Variants in TMEM106C observed in about 807,000 individuals in gnomAD.
TMEM106C encodes endoplasmic reticulum membrane protein overexpressed in cancer.
In TMEM106C, 27 loss-of-function variants were observed where a neutral mutation model predicts 30.8. The ratio of observed to expected loss-of-function variants is 0.88; its 90% CI spans 0.65 to 1.21. The LOEUF (loss-of-function observed/expected upper bound fraction) is 1.21, where lower values mean the gene tolerates loss of function less well. Among genes scored for constraint, TMEM106C ranks in the 50% most tolerant of loss-of-function variants. The probability of loss-of-function intolerance (pLI) is 0.00; values close to 1 mark genes in which losing one functional copy is unlikely to be tolerated. For synonymous variants in TMEM106C, 123 were observed against 118.8 expected (o/e 1.04, Z -0.23); for missense variants, 288 against 307.8 (o/e 0.94, Z 0.48).
chr12:47,964,144 G>A (rs1938140323), intron 1 of TMEM106C, 65 bp from the exon 2 acceptor site: 1 of 1,417,990 alleles, frequency 7.1e-7, no homozygotes, highest in South Asian at 1.3e-5. Flanking sequence ...TTTTCTTATA[G>A]AAACAAGCGA....
chr12:47,964,505 T>A, intron 2 of TMEM106C, 82 bp downstream of exon 2: 2 of 1,312,876 alleles, frequency 1.5e-6, no homozygotes, highest in Non-Finnish European at 2.2e-6. Flanking sequence ...ACTTTTCTTC[T>A]AGGCAGTAAT....
chr12:47,964,328 A>T lies in TMEM106C; in HGVS notation c.92A>T (p.Gln31Leu). Residue 31 changes from glutamine (Q) to leucine (L), a missense_variant, in exon 2 of 8, where the codon CAG (glutamine) becomes CTG (leucine). Gln to Leu is a moderately radical substitution (Grantham distance 113). Coordinates refer to ENST00000429772, the MANE Select transcript of TMEM106C (RefSeq NM_001143842.2). The part of the protein sequence containing the change: ...DRDGLLAERE[Q>L]EEAIAQFPYV... ...GACGGTTTGCTGGCTGAACGAGAGCAGGAAGAAGCCATTGCTCAGTTCCCA... is the reference window on the plus strand; with the variant it reads ...GACGGTTTGCTGGCTGAACGAGAGCTGGAAGAAGCCATTGCTCAGTTCCCA... 1 of 1,614,206 alleles carries T rather than the reference A, an allele frequency of 6.2e-7. No homozygotes were observed. The highest frequency in any genetic ancestry group is 8.5e-7 in the Non-Finnish European group (1 of 1,180,034).
chr12:47,964,688 T>C (rs1218980401), intron 2 of TMEM106C: 3 of 466,918 alleles, frequency 6.4e-6, no homozygotes, highest in African/African-American at 3.9e-5. Context: ...TGTTGTGGGA[T>C]TTGTTGACAG....
In TMEM106C at chr12:47,966,070, C is replaced by G. The variant is rs922991769; in HGVS notation, c.412-19C>G. 24 of 1,614,124 alleles carry G rather than the reference C, an allele frequency of 1.5e-5. No individual in the cohort carries two copies. The highest frequency in any genetic ancestry group is 1.8e-5 in the Non-Finnish European group (21 of 1,180,060). Reference sequence around the variant, plus strand: ...GACCCAGGACACTTACACTTGTTTCCTGACTTGCCCTGATGTAGGCCACCC... The same window carrying G: ...GACCCAGGACACTTACACTTGTTTCGTGACTTGCCCTGATGTAGGCCACCC... On this transcript the variant is annotated intron_variant, in intron 4 of 7. Coordinates refer to ENST00000429772, the MANE Select transcript of TMEM106C (RefSeq NM_001143842.2).
At chr12:47,966,822 A>G in intron 6 of TMEM106C, 90 bp downstream of exon 6, 1 of 1,442,104 alleles carries the variant, frequency 6.9e-7, no homozygotes, top group Non-Finnish European at 9.7e-7. Context: ...GTCCTGCCTT[A>G]GATCTCAGCT....
intron 6 of TMEM106C, 109 bp downstream of exon 6, chr12:47,966,841 A>G (rs1938243751): frequency 1.8e-6 from 2 of 1,137,224 alleles, no homozygotes. Flanking sequence ...CTTTTGACTT[A>G]TAGGTTCCCT....
At chr12:47,967,964 CTG>C (rs945041461) in intron 7 of TMEM106C, among the ~76,000 whole-genome samples, 167 bp from the exon 8 acceptor site, 43 of 152,244 alleles carry the variant, frequency 2.8e-4, no homozygotes, top group African/African-American at 9.9e-4. Context: ...CACAGTATCT[CTG>C]TGAAAGTGGA....
At chr12:47,965,620 A>G (rs1938194518) in intron 3 of TMEM106C, 3 of 702,838 alleles carry the variant, frequency 4.3e-6, no homozygotes, top group Admixed American at 4.9e-5. Context: ...CTGTCCACAT[A>G]GCTCCTTTCT....
At position 47,965,826 on chromosome 12, in the gene TMEM106C, T is replaced by C. The variant is rs778082594; in HGVS notation, c.252-12T>C. On this transcript the variant is annotated splice_polypyrimidine_tract_variant and intron_variant, in intron 3 of 7. Transcript: ENST00000429772. ...GACTGCCTGGGTCGGTCATGTGCTG[T>C]GTCATTTGCAGTAAGCAATATGTCC... 3 of 1,614,142 alleles carry C rather than the reference T, an allele frequency of 1.9e-6. No individual in the cohort carries two copies. The highest frequency in any genetic ancestry group is 2.2e-5 in the East Asian group (1 of 44,890).
intron 2 of TMEM106C, 192 bp downstream of exon 2, chr12:47,964,615 C>T (rs1938159474): frequency 3.4e-6 from 2 of 592,984 alleles, no homozygotes; most frequent in South Asian, 4.0e-5. Flanking sequence ...TTTTCCAACC[C>T]TTTCTTTTCT....
At chr12:47,967,703 T>G (rs11613095) in intron 7 of TMEM106C, among the ~76,000 whole-genome samples, 3 of 152,126 alleles carry the variant, frequency 2.0e-5, no homozygotes, top group African/African-American at 4.8e-5. Flanking sequence ...ACATGAAATA[T>G]GAGGGGTTAG....
intron 3 of TMEM106C, 123 bp from the exon 4 acceptor site, chr12:47,965,715 G>A (rs1938196490): frequency 1.6e-6 from 2 of 1,242,460 alleles, no homozygotes; most frequent in East Asian, 2.3e-5. Context: ...ACTGGTTTAT[G>A]GTTCCTGGCT....
intron 5 of TMEM106C, 171 bp from the exon 6 acceptor site, chr12:47,966,512 G>A (rs757025776): frequency 1.0e-4 from 78 of 747,436 alleles, no homozygotes; most frequent in Non-Finnish European, 1.7e-4. Context: ...TCTCAAAAGG[G>A]AAGAGGTTGG....
intron 7 of TMEM106C, 39 bp downstream of exon 7, chr12:47,967,300 A>G: frequency 6.2e-7 from 1 of 1,611,334 alleles, no homozygotes; most frequent in Non-Finnish European, 8.5e-7. Flanking sequence ...CTGTCCGGCC[A>G]TGTGAGCCTA....
At chr12:47,964,736 C>G in intron 2 of TMEM106C, 1 of 378,252 alleles carries the variant, frequency 2.6e-6, no homozygotes, top group Non-Finnish European at 4.9e-6. Flanking sequence ...ATTGGGACAG[C>G]TTTGCGGGGG....
intron 2 of TMEM106C, 73 bp downstream of exon 2, chr12:47,964,496 C>A (rs11609253): frequency 0.59 from 872,808 of 1,478,776 alleles, 260,217 homozygotes; most frequent in East Asian, 0.84. Context: ...GCCCAGACAA[C>A]TTTTCTTCTA....
In TMEM106C at chr12:47,968,611, C is replaced by T; in HGVS notation, c.*382C>T. 2.9e-6 allele frequency: 1 copy of T among 349,566 alleles called. No homozygotes were observed. Among genetic ancestry groups the T allele is most frequent in the South Asian group, 2.2e-5 (1 of 44,904 alleles). 21.7% of individuals were successfully genotyped at this position (349,566 alleles called of 1,614,324 possible). On this transcript the variant is annotated 3_prime_UTR_variant, in exon 8 of 8. Coordinates refer to ENST00000429772, the MANE Select transcript of TMEM106C (RefSeq NM_001143842.2). ...AGTGACCTGCAGGCCATTATCAGTG[C>T]CTCATCTGTGCAGAAGTGGCAGCAG...
Position 47,966,232 on chromosome 12 carries a change from A to G in TMEM106C, c.552+3A>G. On this transcript the variant is annotated splice_donor_region_variant and intron_variant, in intron 5 of 7. Coordinates refer to ENST00000429772, the MANE Select transcript of TMEM106C (RefSeq NM_001143842.2). ...TTCCACCTCGGAGTGAGCAACTGGTATGCTGTTCTTTTAGGAATCTTGCCC... is the reference window on the plus strand; with the variant it reads ...TTCCACCTCGGAGTGAGCAACTGGTGTGCTGTTCTTTTAGGAATCTTGCCC... The G allele has an allele frequency of 6.2e-7, 1 of 1,613,804 alleles. No individual in the cohort carries two copies. The highest frequency in any genetic ancestry group is 1.3e-5 in the African/African-American group (1 of 75,068).
At chr12:47,966,902 G>A (rs1938245970) in intron 6 of TMEM106C, 170 bp downstream of exon 6, 2 of 678,834 alleles carry the variant, frequency 2.9e-6, no homozygotes, top group African/African-American at 1.8e-5. Context: ...TATTATGTGT[G>A]TATTTGAAGA....
Sources: allele counts gnomAD v4.1 joint callset (sites outside exome capture counted in the v4.1 genomes callset), GRCh38; gene constraint gnomAD v4.1.1; transcripts MANE v1.5; gene names NCBI Gene and HGNC (gene_info 2026-07-23, HGNC 2026-07-21).